FSHR: variants seen among roughly 807,000 people sequenced by gnomAD.
FSHR encodes the protein follicle-stimulating hormone receptor.
FSHR carries 46 observed loss-of-function variants against 52.1 expected under a neutral mutation model. The observed-to-expected ratio is 0.88, with a 90% confidence interval of 0.70 to 1.13. The LOEUF is 1.13. Among genes scored for constraint, FSHR ranks in the 50% most tolerant of loss-of-function variants. The probability of loss-of-function intolerance (pLI) is 0.00; values close to 1 mark genes in which losing one functional copy is unlikely to be tolerated. For synonymous variants in FSHR, 399 were observed against 309.6 expected (o/e 1.29, Z -3.03); for missense variants, 964 against 834.6 (o/e 1.16, Z -1.91).
chr2:49,040,002 C>A (rs1668424979), intron 2 of FSHR, among the ~76,000 whole-genome samples: 1 of 151,710 alleles, frequency 6.6e-6, no homozygotes. Context: ...AAAATAAAAT[C>A]TGAAGCATTT....
intron 1 of FSHR, among the ~76,000 whole-genome samples, chr2:49,092,324 C>A (rs924508538): frequency 2.6e-5 from 4 of 152,114 alleles, no homozygotes; most frequent in Non-Finnish European, 4.4e-5. Context: ...TGAACAGAGA[C>A]AATTTTGTTC....
chr2:49,143,347 G>A (rs967716129), intron 1 of FSHR, among the ~76,000 whole-genome samples: 2 of 152,176 alleles, frequency 1.3e-5, no homozygotes, highest in African/African-American at 4.8e-5. Flanking sequence ...ACAGATAAGT[G>A]ACCACAGAAT....
intron 1 of FSHR, among the ~76,000 whole-genome samples, chr2:49,074,781 C>CAAA (rs1669885586): frequency 1.1e-5 from 1 of 92,190 alleles, no homozygotes; most frequent in South Asian, 3.9e-4. Context: ...CCTAGTTGTC[C>CAAA]AACAGATAAA....
chr2:49,081,712 A>T (rs1042589361), intron 1 of FSHR, among the ~76,000 whole-genome samples: 1 of 152,190 alleles, frequency 6.6e-6, no homozygotes, highest in Non-Finnish European at 1.5e-5. Flanking sequence ...CTTACATGAT[A>T]AATGGGGTGG....
At position 49,017,540 on chromosome 2, in the gene FSHR, A is replaced by C; in HGVS notation, c.323T>G (p.Leu108Arg). 1.2e-6 allele frequency: 2 copies of C among 1,613,542 alleles called. No homozygotes were observed. The highest frequency in any genetic ancestry group is 1.7e-6 in the Non-Finnish European group (2 of 1,179,620). Residue 108 changes from leucine (L) to arginine (R), a missense_variant, in exon 4 of 10, where the codon CTG becomes CGG. Transcript: ENST00000406846. ...GAAGGCCTCAGGGTTGATGTAGAGC[A>C]GGTTGTTGGCCTTTTCAATTCTACT... ...HEIRIEKANNLLYINPEAFQN... is the reference protein window; with the variant it reads ...HEIRIEKANNRLYINPEAFQN...
intron 6 of FSHR, among the ~76,000 whole-genome samples, chr2:48,985,023 T>C (rs1265027565): frequency 6.6e-6 from 1 of 152,156 alleles, no homozygotes; most frequent in East Asian, 1.9e-4. Context: ...TGTGGGAATC[T>C]CAAGCTAGTA....
At chr2:48,964,215 T>C (rs894841664) in intron 9 of FSHR, among the ~76,000 whole-genome samples, 3 of 152,064 alleles carry the variant, frequency 2.0e-5, no homozygotes, top group Non-Finnish European at 4.4e-5. Flanking sequence ...ACAACCTGAA[T>C]GTGGGGAGGA....
chr2:49,021,005 G>A (rs1476531266), intron 2 of FSHR, among the ~76,000 whole-genome samples: 1 of 152,078 alleles, frequency 6.6e-6, no homozygotes, highest in African/African-American at 2.4e-5. Flanking sequence ...TAATACCTAG[G>A]TGATGGGTTG....
intron 1 of FSHR, among the ~76,000 whole-genome samples, chr2:49,125,560 T>A (rs1671965709): frequency 6.6e-6 from 1 of 152,224 alleles, no homozygotes; most frequent in South Asian, 2.1e-4. Flanking sequence ...CTCTGCTGCA[T>A]CTCCAGCATA....
chr2:49,068,227 C>T lies in FSHR; in HGVS notation c.216G>A (p.Leu72=). The T allele has an allele frequency of 1.9e-6, 3 of 1,610,420 alleles. No individual in the cohort carries two copies. In the South Asian group the frequency reaches 3.3e-5, roughly 18 times the overall value. The stretch of plus-strand genomic sequence containing the variant: ...CAGTGCTAGGTACATACATTTTCTC[C>T]AGGTCCCCAAATCCTGAAAATGCAC... The part of the protein sequence containing the change: ...QKGAFSGFGD[L]EKIEISQNDV... Residue 72 remains leucine (L), a synonymous_variant, in exon 2 of 10, where the codon CTG becomes CTA. Transcript: ENST00000406846.
intron 3 of FSHR, 66 bp downstream of exon 3, chr2:49,020,020 T>C: frequency 7.5e-7 from 1 of 1,341,678 alleles, no homozygotes; most frequent in South Asian, 1.2e-5. Flanking sequence ...CTCCCAGGAA[T>C]GTAGAAGAAC....
At chr2:48,998,277 G>T (rs1676113572) in intron 4 of FSHR, among the ~76,000 whole-genome samples, 1 of 151,784 alleles carries the variant, frequency 6.6e-6, no homozygotes, top group Admixed American at 6.6e-5. Context: ...TAATGAGGAG[G>T]AAGGCAACAG....
intron 1 of FSHR, among the ~76,000 whole-genome samples, chr2:49,116,527 G>T (rs958318281): frequency 2.6e-5 from 4 of 152,138 alleles, no homozygotes; most frequent in Non-Finnish European, 4.4e-5. Context: ...TAAAGCTGTT[G>T]TGAGGATTAA....
intron 2 of FSHR, among the ~76,000 whole-genome samples, chr2:49,060,416 A>G (rs1278315427): frequency 2.0e-5 from 3 of 152,158 alleles, no homozygotes; most frequent in African/African-American, 7.2e-5. Context: ...ATGCCTCTCC[A>G]GTGCCTAAGT....
intron 1 of FSHR, among the ~76,000 whole-genome samples, chr2:49,120,379 G>A (rs995887584): frequency 1.3e-5 from 2 of 152,200 alleles, no homozygotes; most frequent in African/African-American, 4.8e-5. Flanking sequence ...ATCAAAATTT[G>A]AGGAAAATGT....
chr2:48,974,912 C>T (rs528668838), intron 8 of FSHR, among the ~76,000 whole-genome samples: 14 of 152,054 alleles, frequency 9.2e-5, no homozygotes, highest in Non-Finnish European at 1.3e-4. Context: ...TCTGCATGGC[C>T]TAAAAATCAG....
chr2:49,117,066 G>A (rs138005142), intron 1 of FSHR, among the ~76,000 whole-genome samples: 231 of 152,308 alleles, frequency 1.5e-3, no homozygotes, highest in African/African-American at 5.4e-3. Flanking sequence ...AGCCCAGTTA[G>A]TGTTAGCTAG....
At chr2:49,043,664 C>A (rs541572224) in intron 2 of FSHR, among the ~76,000 whole-genome samples, 3 of 152,158 alleles carry the variant, frequency 2.0e-5, no homozygotes, top group Non-Finnish European at 2.9e-5. Flanking sequence ...CATAAAAAAA[C>A]CAAATGTTCC....
At chr2:49,098,018 CATT>C (rs1670890144) in intron 1 of FSHR, among the ~76,000 whole-genome samples, 1 of 152,046 alleles carries the variant, frequency 6.6e-6, no homozygotes, top group African/African-American at 2.4e-5. Context: ...ATCCAATAAA[CATT>C]TATAGAAATG....
Sources: gnomAD v4.1 joint callset for allele counts (sites outside exome capture counted in the v4.1 genomes callset) on GRCh38, gnomAD v4.1.1 for gene constraint, MANE v1.5 for transcripts, NCBI Gene and HGNC (gene_info 2026-07-23, HGNC 2026-07-21) for gene names.